NAALADL2: variants seen among roughly 807,000 people sequenced by gnomAD.
NAALADL2 encodes the protein N-acetylated alpha-linked acidic dipeptidase like 2.
NAALADL2 carries 76 observed loss-of-function variants against 87.2 expected under a neutral mutation model. The ratio of observed to expected loss-of-function variants is 0.87; its 90% confidence interval spans 0.72 to 1.05. The LOEUF (loss-of-function observed/expected upper bound fraction) is 1.05. NAALADL2 is among the 50% of genes least tolerant of loss of function. The pLI is 0.00. For synonymous variants in NAALADL2, 354 were observed against 331.0 expected (o/e 1.07, Z -0.75); for missense variants, 1,089 against 945.8 (o/e 1.15, Z -1.99).
chr3:175,093,716 C>A (rs1580406087), intron 1 of NAALADL2, among the ~76,000 whole-genome samples: 1 of 151,654 alleles, frequency 6.6e-6, no homozygotes, highest in Admixed American at 6.6e-5. Context: ...GAGTTTGTTA[C>A]ACCAAGTGAC....
At chr3:174,480,256 G>A (rs1180137317) in intron 1 of NAALADL2, among the ~76,000 whole-genome samples, 1 of 152,154 alleles carries the variant, frequency 6.6e-6, no homozygotes, top group Non-Finnish European at 1.5e-5. Context: ...AGTGATATCA[G>A]AGAAGACTCC....
chr3:175,799,741 A>C (rs1196551950), intron 13 of NAALADL2, among the ~76,000 whole-genome samples: 2 of 152,110 alleles, frequency 1.3e-5, no homozygotes, highest in Non-Finnish European at 2.9e-5. Flanking sequence ...TATTTAAGTC[A>C]TTTTGAGATA....
At chr3:175,788,551 A>G (rs995370644) in intron 13 of NAALADL2, among the ~76,000 whole-genome samples, 1 of 152,200 alleles carries the variant, frequency 6.6e-6, no homozygotes, top group Non-Finnish European at 1.5e-5. Flanking sequence ...AACCTATACC[A>G]TGAAGCCTAG....
chr3:175,497,348 C>T (rs1728958034), intron 9 of NAALADL2, among the ~76,000 whole-genome samples: 1 of 152,154 alleles, frequency 6.6e-6, no homozygotes, highest in African/African-American at 2.4e-5. Flanking sequence ...GTAAACTTTA[C>T]TAATCTTTTT....
intron 2 of NAALADL2, among the ~76,000 whole-genome samples, chr3:175,127,936 G>A (rs1044692720): frequency 4.6e-5 from 7 of 152,104 alleles, no homozygotes; most frequent in African/African-American, 7.2e-5. Context: ...AATAATAGAT[G>A]TGATATAGTG....
intron 9 of NAALADL2, among the ~76,000 whole-genome samples, chr3:175,560,418 A>G (rs547492831): frequency 9.2e-5 from 14 of 151,396 alleles, no homozygotes; most frequent in African/African-American, 3.2e-4. Flanking sequence ...TCTTGTTTTC[A>G]TTTTAATTTC....
At chr3:175,011,443 T>A (rs1749812242) in intron 1 of NAALADL2, among the ~76,000 whole-genome samples, 1 of 152,182 alleles carries the variant, frequency 6.6e-6, no homozygotes, top group Admixed American at 6.6e-5. Flanking sequence ...GCAACTTTCT[T>A]TTCTATCGTC....
chr3:175,131,557 T>C (rs184500337), intron 2 of NAALADL2, among the ~76,000 whole-genome samples: 10,808 of 152,236 alleles, frequency 0.071, 799 homozygotes, highest in African/African-American at 0.19. Context: ...TACACAGACA[T>C]GGCAACCATC....
At chr3:174,682,845 A>G (rs1165692657) in intron 2 of NAALADL2, among the ~76,000 whole-genome samples, 1 of 152,192 alleles carries the variant, frequency 6.6e-6, no homozygotes, top group Non-Finnish European at 1.5e-5. Flanking sequence ...TTACTGTTTG[A>G]TGCTTTGACA....
At chr3:175,350,617 A>G (rs1307090347) in intron 5 of NAALADL2, among the ~76,000 whole-genome samples, 1 of 152,146 alleles carries the variant, frequency 6.6e-6, no homozygotes, top group East Asian at 1.9e-4. Context: ...TTCTCCTGCT[A>G]AAGATTCAGG....
chr3:175,540,970 A>G (rs1258955262), intron 9 of NAALADL2, among the ~76,000 whole-genome samples: 1 of 152,152 alleles, frequency 6.6e-6, no homozygotes, highest in Non-Finnish European at 1.5e-5. Context: ...ACTGAGAGAG[A>G]TAAGATGATT....
At chr3:175,459,930 T>A in intron 6 of NAALADL2, 1 of 310,394 alleles carries the variant, frequency 3.2e-6, no homozygotes, top group South Asian at 2.7e-5. Flanking sequence ...TTACAGCATA[T>A]CCATGTTTCT....
At chr3:174,900,893 A>T (rs924668914) in intron 1 of NAALADL2, among the ~76,000 whole-genome samples, 1 of 152,086 alleles carries the variant, frequency 6.6e-6, no homozygotes, top group Non-Finnish European at 1.5e-5. Flanking sequence ...TCCTTCCCCT[A>T]TACTTTGTCA....
Position 175,384,634 on chromosome 3 carries a change from T to C in NAALADL2, c.1090+60309T>C, listed in dbSNP as rs982224563. Among the ~76,000 whole-genome samples the C allele has an allele frequency of 5.6e-4, 85 of 152,086 alleles. 1 individual carries two copies. The highest frequency in any genetic ancestry group is 5.6e-3 in the Admixed American group (85 of 15,258). The stretch of plus-strand genomic sequence containing the variant: ...TAAGAATTATCCACACACCCATTGC[T>C]AAATTATAATTTCTCTTAAATTTGT... On this transcript the variant is annotated intron_variant, in intron 5 of 13. Coordinates refer to ENST00000454872, the MANE Select transcript of NAALADL2 (RefSeq NM_207015.3).
chr3:174,934,285 AGAGACTCG>A (rs1347709497), intron 1 of NAALADL2, among the ~76,000 whole-genome samples: 1 of 152,182 alleles, frequency 6.6e-6, no homozygotes, highest in African/African-American at 2.4e-5. Flanking sequence ...TTCTTAACCA[AGAGACTCG>A]GATTACATGT....
At chr3:175,003,660 C>T (rs1278112647) in intron 1 of NAALADL2, among the ~76,000 whole-genome samples, 1 of 152,150 alleles carries the variant, frequency 6.6e-6, no homozygotes, top group Admixed American at 6.6e-5. Context: ...CTTCAGAGTC[C>T]TTCAGTAAAC....
intron 10 of NAALADL2, among the ~76,000 whole-genome samples, chr3:175,617,246 A>C (rs1725472766): frequency 6.6e-6 from 1 of 152,128 alleles, no homozygotes; most frequent in Admixed American, 6.5e-5. Flanking sequence ...ACTCTGGAGG[A>C]AGTCCACCTT....
chr3:174,591,113 G>T (rs1717316420), intron 2 of NAALADL2, among the ~76,000 whole-genome samples: 1 of 152,196 alleles, frequency 6.6e-6, no homozygotes, highest in Non-Finnish European at 1.5e-5. Flanking sequence ...GAAGGAGACT[G>T]ATAGACTAAG....
chr3:174,523,958 A>C (rs1720497748), intron 1 of NAALADL2, among the ~76,000 whole-genome samples: 1 of 152,134 alleles, frequency 6.6e-6, no homozygotes, highest in Non-Finnish European at 1.5e-5. Context: ...TCTTAGAGAA[A>C]ATTAGAAAAT....
Sources: gnomAD v4.1 joint callset for allele counts (sites outside exome capture counted in the v4.1 genomes callset) on GRCh38, gnomAD v4.1.1 for gene constraint, MANE v1.5 for transcripts, NCBI Gene and HGNC (gene_info 2026-07-23, HGNC 2026-07-21) for gene names.